Variants in TBC1D23 observed in about 807,000 individuals in gnomAD.
The protein encoded by TBC1D23 is TBC1 domain family member 23.
In TBC1D23, 55 loss-of-function variants were observed where a neutral mutation model predicts 91.4. That is an observed-to-expected ratio of 0.60 (90% CI 0.48 to 0.75). The LOEUF (loss-of-function observed/expected upper bound fraction) is 0.75. Among genes scored for constraint, TBC1D23 ranks in the 30% least tolerant of loss-of-function variants. The probability of loss-of-function intolerance (pLI) is 0.00; values close to 1 mark genes in which losing one functional copy is unlikely to be tolerated. For synonymous variants in TBC1D23, 289 were observed against 281.0 expected (o/e 1.03, Z -0.28); for missense variants, 725 against 836.1 (o/e 0.87, Z 1.64).
intron 4 of TBC1D23, among the ~76,000 whole-genome samples, chr3:100,284,947 G>A (rs1310460092): frequency 1.3e-5 from 2 of 152,168 alleles, no homozygotes; most frequent in Admixed American, 6.5e-5. Flanking sequence ...TAATTTCAGC[G>A]TGTAGCCAAG....
chr3:100,268,626 ATC>A (rs546479537), intron 1 of TBC1D23, among the ~76,000 whole-genome samples: 8 of 152,170 alleles, frequency 5.3e-5, no homozygotes, highest in Admixed American at 1.3e-4. Context: ...CATAGGTAAT[ATC>A]TCTCTCTCTT....
At chr3:100,304,244 G>C (rs1299692472) in intron 11 of TBC1D23, among the ~76,000 whole-genome samples, 1 of 152,030 alleles carries the variant, frequency 6.6e-6, no homozygotes, top group African/African-American at 2.4e-5. Context: ...TCTGTCCCTG[G>C]TATTTTCTGT....
In TBC1D23 at chr3:100,279,735, C is replaced by A; in HGVS notation, c.140C>A (p.Ala47Asp). 1 of 1,601,682 alleles carries A rather than the reference C, an allele frequency of 6.2e-7. No individual in the cohort carries two copies. Among genetic ancestry groups the A allele is most frequent in the South Asian group, 1.1e-5 (1 of 89,554 alleles). Residue 47 changes from alanine to aspartate, a missense_variant, in exon 2 of 19, where the codon GCT (alanine) becomes GAT (aspartate). Transcript: ENST00000394144. Reference protein sequence around the residue: ...RNIIQGRPLPADLRAKVWKIA... With the variant: ...RNIIQGRPLPDDLRAKVWKIA... ...ATAATTCAAGGAAGACCGCTGCCTG[C>A]TGATCTGAGGGCCAAAGTTTGGAAG...
intron 13 of TBC1D23, among the ~76,000 whole-genome samples, 166 bp from the exon 14 acceptor site, chr3:100,310,237 G>C (rs1705602695): frequency 6.6e-6 from 1 of 152,144 alleles, no homozygotes; most frequent in Non-Finnish European, 1.5e-5. Context: ...GCCTGTAGAG[G>C]CCTTGTCTCC....
At chr3:100,311,688 C>A in intron 14 of TBC1D23, 145 bp from the exon 15 acceptor site, 1 of 556,974 alleles carries the variant, frequency 1.8e-6, no homozygotes, top group Non-Finnish European at 3.1e-6. Flanking sequence ...CTTTGTTTTT[C>A]TTTGTACTTG....
chr3:100,297,556 ATCAGTATTT>A (rs1422280728), intron 8 of TBC1D23, among the ~76,000 whole-genome samples: 1 of 152,168 alleles, frequency 6.6e-6, no homozygotes, highest in Non-Finnish European at 1.5e-5. Context: ...CAGGCTGTGG[ATCAGTATTT>A]TAACTCATTT....
At position 100,305,225 on chromosome 3, in the gene TBC1D23, T is replaced by C. The variant is rs184509490; in HGVS notation, c.1306+337T>C. Among the ~76,000 whole-genome samples, 3 of 152,298 alleles carry C rather than the reference T, an allele frequency of 2.0e-5. No individual in the cohort carries two copies. The East Asian group carries it at 5.8e-4, about 29-fold the overall frequency. On this transcript the variant is annotated intron_variant, in intron 12 of 18. Transcript: ENST00000394144. Reference sequence around the variant, plus strand: ...GAAGGAAGACTTCAAGGAATACTTTTTATAGTATACCCTTTGGACTCTTTA... The same window carrying C: ...GAAGGAAGACTTCAAGGAATACTTTCTATAGTATACCCTTTGGACTCTTTA...
Position 100,316,162 on chromosome 3 carries a change from T to A in TBC1D23, c.1662T>A (p.Ile554=). 1 of 1,613,900 alleles carries A rather than the reference T, an allele frequency of 6.2e-7. No individual in the cohort carries two copies. Among genetic ancestry groups the A allele is most frequent in the Non-Finnish European group, 8.5e-7 (1 of 1,179,820 alleles). The change falls in exon 16 of 19, where the codon ATT becomes ATA. Residue 554 remains isoleucine, a synonymous_variant. Transcript: ENST00000394144. ...PYRGVKPVFS[I]GDEEEYDTDE... is the part of the protein sequence containing the mutation. Reference sequence around the variant, plus strand: ...GTGGCGTAAAGCCTGTTTTCAGCATTGGGGATGAAGAAGAATACGACACAG... The same window carrying A: ...GTGGCGTAAAGCCTGTTTTCAGCATAGGGGATGAAGAAGAATACGACACAG...
At position 100,302,180 on chromosome 3, in the gene TBC1D23, C is replaced by T; in HGVS notation, c.1206C>T (p.Gly402=). The change falls in exon 11 of 19, where the codon GGC becomes GGT. Residue 402 remains glycine (G), a synonymous_variant. Coordinates refer to ENST00000394144, the MANE Select transcript of TBC1D23 (RefSeq NM_001199198.3). ...IAGGEHLCFM[G]SGREEEDMYM... The stretch of plus-strand genomic sequence containing the variant: ...GTGGGGAGCACCTCTGTTTTATGGG[C>T]AGTGGCAGGGAGGAAGAAGACATGT... 1.9e-6 allele frequency: 3 copies of T among 1,613,928 alleles called. No homozygotes were observed. The highest frequency in any genetic ancestry group is 2.5e-6 in the Non-Finnish European group (3 of 1,179,866).
chr3:100,273,303 C>A (rs2067616522), intron 1 of TBC1D23, among the ~76,000 whole-genome samples: 2 of 151,826 alleles, frequency 1.3e-5, no homozygotes, highest in African/African-American at 4.8e-5. Flanking sequence ...TGACACAGCA[C>A]ATGTCTTGGG....
At chr3:100,263,396 C>T (rs867425775) in intron 1 of TBC1D23, among the ~76,000 whole-genome samples, 7 of 152,154 alleles carry the variant, frequency 4.6e-5, no homozygotes, top group East Asian at 1.9e-4. Context: ...GCCATCTGGG[C>T]GTATACGTGC....
chr3:100,306,540 T>C lies in TBC1D23; in HGVS notation c.1410T>C (p.Val470=). Residue 470 remains valine, a synonymous_variant, in exon 13 of 19, where the codon GTT becomes GTC. Coordinates refer to ENST00000394144, the MANE Select transcript of TBC1D23 (RefSeq NM_001199198.3). The stretch of plus-strand genomic sequence containing the variant: ...GCTCAAGGAGCAGTATCAATTCTGT[T>C]GATGTAAGTATATGTAGAGAATATG... ...TSGSRSSINS[V]DGESPNGSSD... The C allele has an allele frequency of 6.4e-7, 1 of 1,573,994 alleles. No individual in the cohort carries two copies. Among genetic ancestry groups the C allele is most frequent in the Non-Finnish European group, 8.7e-7 (1 of 1,143,760 alleles).
At chr3:100,262,517 G>C (rs1184606297) in intron 1 of TBC1D23, among the ~76,000 whole-genome samples, 2 of 152,144 alleles carry the variant, frequency 1.3e-5, no homozygotes, top group East Asian at 3.9e-4. Context: ...TTGAAGTCAG[G>C]AGTTCCAGAC....
intron 18 of TBC1D23, 95 bp downstream of exon 18, chr3:100,321,066 T>G: frequency 1.1e-6 from 1 of 921,982 alleles, no homozygotes; most frequent in South Asian, 1.9e-5. Context: ...TTTTGGGGAA[T>G]GGATGGTGGA....
chr3:100,288,617 G>A (rs2067763686), intron 4 of TBC1D23, among the ~76,000 whole-genome samples: 1 of 152,194 alleles, frequency 6.6e-6, no homozygotes, highest in Admixed American at 6.5e-5. Flanking sequence ...TCTGGCACAT[G>A]GTATTTCCTC....
intron 4 of TBC1D23, among the ~76,000 whole-genome samples, chr3:100,286,457 C>T (rs1056132355): frequency 8.6e-5 from 13 of 151,952 alleles, no homozygotes; most frequent in African/African-American, 1.4e-4. Flanking sequence ...GAAGGAACCC[C>T]GAGCCCCACA....
intron 3 of TBC1D23, among the ~76,000 whole-genome samples, 200 bp from the exon 4 acceptor site, chr3:100,283,407 T>G (rs1440430458): frequency 6.6e-6 from 1 of 152,042 alleles, no homozygotes; most frequent in African/African-American, 2.4e-5. Flanking sequence ...GCGTTTTGAC[T>G]GTGTGTTTTC....
chr3:100,292,923 A>G lies in TBC1D23; in HGVS notation c.601-2164A>G, dbSNP rs547698727. On this transcript the variant is annotated intron_variant, in intron 5 of 18. Transcript: ENST00000394144. ...TTGTCAAAACTGTAGCTTCTCTGAG[A>G]TTCATATGTTGCCACTGAATCTACC... 1.8e-4 allele frequency among the ~76,000 whole-genome samples: 28 copies of G among 152,040 alleles called. No individual in the cohort carries two copies. The South Asian group carries it at 5.0e-3, about 27-fold the overall frequency.
intron 13 of TBC1D23, among the ~76,000 whole-genome samples, chr3:100,308,093 C>T (rs1705545976): frequency 6.6e-6 from 1 of 152,150 alleles, no homozygotes; most frequent in South Asian, 2.1e-4. Context: ...TTTCAAAGTA[C>T]CAAAGAATTT....
Sources: allele counts gnomAD v4.1 joint callset (sites outside exome capture counted in the v4.1 genomes callset), GRCh38; gene constraint gnomAD v4.1.1; transcripts MANE v1.5; gene names NCBI Gene and HGNC (gene_info 2026-07-23, HGNC 2026-07-21).